The following IL1RAPL1 variants were observed in gnomAD, a reference collection of about 807,000 sequenced individuals.
The protein encoded by IL1RAPL1 is interleukin 1 receptor accessory protein like 1.
In IL1RAPL1, 3 loss-of-function variants were observed where a neutral mutation model predicts 48.4. The ratio of observed to expected loss-of-function variants is 0.06; its 90% CI spans 0.03 to 0.16. The LOEUF is 0.16. Ranked by LOEUF, IL1RAPL1 falls within the 10% of genes least tolerant of loss-of-function variation. The pLI is 1.00. For synonymous variants in IL1RAPL1, 185 were observed against 187.7 expected (o/e 0.99, Z 0.12); for missense variants, 349 against 530.6 (o/e 0.66, Z 3.36).
intron 2 of IL1RAPL1, among the ~76,000 whole-genome samples, chrX:28,852,247 A>G (rs1166826132): frequency 1.8e-5 from 2 of 112,000 alleles, no homozygotes. Flanking sequence ...TAGCATGACA[A>G]TTTATAAAAA....
chrX:29,299,485 C>T (rs1401309082), intron 3 of IL1RAPL1, among the ~76,000 whole-genome samples: 1 of 111,312 alleles, frequency 9.0e-6, no homozygotes, highest in Admixed American at 9.6e-5. Flanking sequence ...TTTAAACATA[C>T]AAAAATAGAT....
At chrX:29,141,301 A>G (rs1021872985) in intron 2 of IL1RAPL1, among the ~76,000 whole-genome samples, 4 of 111,331 alleles carry the variant, frequency 3.6e-5, no homozygotes, top group African/African-American at 9.8e-5. Context: ...CTCATAAAGC[A>G]TTTTCTTAAC....
intron 1 of IL1RAPL1, among the ~76,000 whole-genome samples, chrX:28,726,568 A>G (rs952379265): frequency 8.9e-6 from 1 of 112,115 alleles, no homozygotes; most frequent in African/African-American, 3.2e-5. Flanking sequence ...AAAATACGAT[A>G]AATTGAAATT....
intron 6 of IL1RAPL1, among the ~76,000 whole-genome samples, chrX:29,817,366 G>A (rs1930520445): frequency 9.0e-6 from 1 of 111,060 alleles, no homozygotes; most frequent in East Asian, 2.8e-4. Context: ...TTTTTCTGTT[G>A]AATTTCTACT....
At chrX:29,023,959 G>A (rs973530465) in intron 2 of IL1RAPL1, among the ~76,000 whole-genome samples, 2 of 111,691 alleles carry the variant, frequency 1.8e-5, no homozygotes, top group African/African-American at 6.5e-5. Context: ...TGAGAAAATA[G>A]TGAAACTCTA....
At chrX:29,150,979 C>A (rs1448680954) in intron 2 of IL1RAPL1, among the ~76,000 whole-genome samples, 1 of 108,739 alleles carries the variant, frequency 9.2e-6, no homozygotes, top group South Asian at 4.1e-4. Flanking sequence ...GTGTGACCTG[C>A]CCTAGATGCT....
At chrX:29,216,482 A>G (rs1930871961) in intron 2 of IL1RAPL1, among the ~76,000 whole-genome samples, 1 of 111,044 alleles carries the variant, frequency 9.0e-6, no homozygotes, top group Non-Finnish European at 1.9e-5. Flanking sequence ...GGCATGAGAC[A>G]CTCTGCCTGG....
In IL1RAPL1 at chrX:29,646,457, G is replaced by A. The variant is rs192834291; in HGVS notation, c.704-21973G>A. On this transcript the variant is annotated intron_variant, in intron 5 of 10. Coordinates refer to ENST00000378993, the MANE Select transcript of IL1RAPL1 (RefSeq NM_014271.4). ...ATGAAGAAAGCTTACTTTGGGGATA[G>A]TATCAAAAAGAAAAAGCAAATTATG... is the stretch of plus-strand genomic sequence containing the variant. Among the ~76,000 whole-genome samples, 23 of 111,393 alleles carry A rather than the reference G, an allele frequency of 2.1e-4. No homozygotes were observed. The East Asian group carries it at 6.2e-3, about 30-fold the overall frequency.
At chrX:28,993,081 T>A (rs1925648409) in intron 2 of IL1RAPL1, among the ~76,000 whole-genome samples, 1 of 112,180 alleles carries the variant, frequency 8.9e-6, no homozygotes, top group Non-Finnish European at 1.9e-5. Context: ...AAAATTATGC[T>A]GTGATTCGGT....
At chrX:29,390,913 C>G (rs565268728) in intron 3 of IL1RAPL1, among the ~76,000 whole-genome samples, 1 of 111,497 alleles carries the variant, frequency 9.0e-6, no homozygotes, top group Non-Finnish European at 1.9e-5. Context: ...GTGGCTCATG[C>G]CTGTAATCCC....
At chrX:29,211,573 G>T (rs1026434791) in intron 2 of IL1RAPL1, among the ~76,000 whole-genome samples, 1 of 111,346 alleles carries the variant, frequency 9.0e-6, no homozygotes, top group African/African-American at 3.3e-5. Context: ...GGATCAGAAA[G>T]CCTCTTATAC....
chrX:28,714,032 G>C (rs1935472891), intron 1 of IL1RAPL1, among the ~76,000 whole-genome samples: 1 of 111,957 alleles, frequency 8.9e-6, no homozygotes, highest in Non-Finnish European at 1.9e-5. Context: ...CACGTTTTAA[G>C]TAAATAGGTC....
chrX:29,331,936 G>T (rs2147634154), intron 3 of IL1RAPL1, among the ~76,000 whole-genome samples: 1 of 110,092 alleles, frequency 9.1e-6, no homozygotes, highest in South Asian at 3.9e-4. Flanking sequence ...ATAATTATAA[G>T]AAATCACATA....
chrX:29,565,004 C>T (rs780828550), intron 5 of IL1RAPL1, among the ~76,000 whole-genome samples: 1 of 111,281 alleles, frequency 9.0e-6, no homozygotes, highest in African/African-American at 3.3e-5. Flanking sequence ...AGCATTACCA[C>T]AACTACTTCA....
intron 1 of IL1RAPL1, among the ~76,000 whole-genome samples, chrX:28,773,046 C>CT: frequency 9.1e-6 from 1 of 109,693 alleles, no homozygotes. Context: ...TCAAATAATC[C>CT]TTTTTTCTTA....
intron 2 of IL1RAPL1, among the ~76,000 whole-genome samples, chrX:28,897,732 A>G (rs1053039209): frequency 8.9e-6 from 1 of 112,281 alleles, no homozygotes; most frequent in African/African-American, 3.2e-5. Flanking sequence ...GTCTGTGTGA[A>G]GAGACCACCA....
At chrX:29,616,558 C>T (rs1353010906) in intron 5 of IL1RAPL1, among the ~76,000 whole-genome samples, 1 of 106,039 alleles carries the variant, frequency 9.4e-6, no homozygotes, top group Non-Finnish European at 1.9e-5. Flanking sequence ...CAATTCCCAC[C>T]TATGAGTGAG....
In IL1RAPL1 at chrX:28,698,681, A is replaced by G. The variant is rs774143368; in HGVS notation, c.-24-90639A>G. ...TACATATTCTTTGTAATTTATGTCT[A>G]GCATAGTCATATATTTGAAATCGAG... is the stretch of plus-strand genomic sequence containing the variant. On this transcript the variant is annotated intron_variant, in intron 1 of 10. Transcript: ENST00000378993. 3.6e-5 allele frequency among the ~76,000 whole-genome samples: 4 copies of G among 111,994 alleles called. No homozygotes were observed. The East Asian group carries it at 1.1e-3, about 31-fold the overall frequency.
rs56168775 is a variant in IL1RAPL1, at chrX:29,405,636, A to T, written c.703+6328A>T. The stretch of plus-strand genomic sequence containing the variant: ...CCGCCTCGGCCTCCCAAAGTGCTGG[A>T]ATTACAGGCGTGAGCCACCACGCCC... On this transcript the variant is annotated intron_variant, in intron 5 of 10. Transcript: ENST00000378993. Among the ~76,000 whole-genome samples, 14 of 105,944 alleles carry T rather than the reference A, an allele frequency of 1.3e-4. 1 individual carries two copies. Among genetic ancestry groups the T allele is most frequent in the African/African-American group, 4.7e-4 (13 of 27,611 alleles). 92.0% of individuals were successfully genotyped at this position (105,944 alleles called of 115,157 possible).
Sources: allele counts gnomAD v4.1 joint callset (sites outside exome capture counted in the v4.1 genomes callset), GRCh38; gene constraint gnomAD v4.1.1; transcripts MANE v1.5; gene names NCBI Gene and HGNC (gene_info 2026-07-23, HGNC 2026-07-21).